Variants in DYNC2I1 observed in about 807,000 individuals in gnomAD.
The protein encoded by DYNC2I1 is cytoplasmic dynein 2 intermediate chain 1.
In DYNC2I1, 89 loss-of-function variants were observed where a neutral mutation model predicts 133.4. The observed-to-expected ratio is 0.67, with a 90% confidence interval of 0.56 to 0.80. The LOEUF (loss-of-function observed/expected upper bound fraction) is 0.80, where lower values mean the gene tolerates loss of function less well. Among genes scored for constraint, DYNC2I1 ranks in the 30% least tolerant of loss-of-function variants. The pLI is 0.00. For missense variants in DYNC2I1, 1,291 were observed against 1,314.5 expected (o/e 0.98, Z 0.28); for synonymous variants, 504 against 484.3 (o/e 1.04, Z -0.54).
At chr7:158,952,363 C>T (rs563519996) in intron 4 of DYNC2I1, among the ~76,000 whole-genome samples, 14 of 152,234 alleles carry the variant, frequency 9.2e-5, no homozygotes, top group East Asian at 5.8e-4. Flanking sequence ...GTGGACATCC[C>T]GCCTACCTGA....
intron 4 of DYNC2I1, among the ~76,000 whole-genome samples, chr7:158,954,150 G>A (rs552715166): frequency 3.9e-5 from 6 of 152,260 alleles, no homozygotes; most frequent in South Asian, 4.1e-4. Flanking sequence ...CTTGGAAGAC[G>A]TGCCTTTGCT....
chr7:158,885,402 C>T (rs1043871623), intron 6 of DYNC2I1, among the ~76,000 whole-genome samples: 20 of 150,308 alleles, frequency 1.3e-4, no homozygotes, highest in Non-Finnish European at 1.2e-4. Flanking sequence ...AGTGCAGTGG[C>T]GCAATCTCGG....
intron 1 of DYNC2I1, 42 bp downstream of exon 1, chr7:158,856,792 C>T (rs1047858748): frequency 1.6e-6 from 2 of 1,232,528 alleles, no homozygotes; most frequent in Non-Finnish European, 2.0e-6. Flanking sequence ...GGTCGAGCTT[C>T]GCGGACTCCT....
At chr7:158,875,952 A>G (rs978447347) in intron 3 of DYNC2I1, among the ~76,000 whole-genome samples, 2 of 152,212 alleles carry the variant, frequency 1.3e-5, no homozygotes, top group Non-Finnish European at 2.9e-5. Flanking sequence ...TTACTCAGAC[A>G]TTTGCCTGGT....
At chr7:158,895,287 C>T (rs944569565) in intron 8 of DYNC2I1, among the ~76,000 whole-genome samples, 1 of 152,164 alleles carries the variant, frequency 6.6e-6, no homozygotes, top group Non-Finnish European at 1.5e-5. Context: ...GCATTTTACA[C>T]TTAGGTCTGT....
At chr7:158,925,643 G>A (rs1261495512) in intron 17 of DYNC2I1, among the ~76,000 whole-genome samples, 7 of 152,070 alleles carry the variant, frequency 4.6e-5, no homozygotes, top group Non-Finnish European at 7.3e-5. Flanking sequence ...CTTTTCAGTG[G>A]GCATTGTGCC....
At chr7:158,857,111 C>T (rs973054059) in intron 1 of DYNC2I1, among the ~76,000 whole-genome samples, 1 of 152,208 alleles carries the variant, frequency 6.6e-6, no homozygotes, top group African/African-American at 2.4e-5. Flanking sequence ...TAAATTTTAG[C>T]TGACTTAAGT....
At chr7:158,901,450 G>C (rs749340543) in intron 8 of DYNC2I1, among the ~76,000 whole-genome samples, 7 of 152,156 alleles carry the variant, frequency 4.6e-5, no homozygotes, top group Non-Finnish European at 5.9e-5. Flanking sequence ...GAAATGGATT[G>C]CTGCACATTT....
At chr7:158,930,298 C>T (rs1850091162) in intron 20 of DYNC2I1, among the ~76,000 whole-genome samples, 157 bp from the exon 21 acceptor site, 1 of 152,178 alleles carries the variant, frequency 6.6e-6, no homozygotes, top group African/African-American at 2.4e-5. Context: ...GTGAACCTCA[C>T]CCAGAGGAAG....
At chr7:158,853,084 G>T (rs1470762310), upstream of DYNC2I1, among the ~76,000 whole-genome samples, 2 of 152,160 alleles carry the variant, frequency 1.3e-5, no homozygotes, top group African/African-American at 2.4e-5. Context: ...AGGGTGTCCC[G>T]CTGAGAGACA....
intron 1 of DYNC2I1, among the ~76,000 whole-genome samples, chr7:158,866,081 C>G (rs767526459): frequency 7.0e-6 from 1 of 143,270 alleles, no homozygotes; most frequent in Admixed American, 7.0e-5. Context: ...GGGTTTTTAA[C>G]TTTGTCAGTA....
chr7:158,882,184 T>G (rs904083278), intron 5 of DYNC2I1, among the ~76,000 whole-genome samples: 4 of 152,188 alleles, frequency 2.6e-5, no homozygotes, highest in Non-Finnish European at 4.4e-5. Context: ...CTGGGCACTG[T>G]TCTAGGTGCT....
downstream of DYNC2I1, among the ~76,000 whole-genome samples, chr7:158,948,568 C>T (rs749260141): frequency 4.1e-5 from 5 of 123,234 alleles, no homozygotes; most frequent in East Asian, 2.7e-4. Context: ...GCTTCGGACA[C>T]GGGAGGTGCT....
intron 15 of DYNC2I1, among the ~76,000 whole-genome samples, chr7:158,921,663 T>A (rs1291222598): frequency 6.6e-6 from 1 of 152,068 alleles, no homozygotes; most frequent in Non-Finnish European, 1.5e-5. Flanking sequence ...ATGGTGTGGG[T>A]AGCAGGATGT....
chr7:158,886,371 C>G (rs887672688), intron 6 of DYNC2I1, among the ~76,000 whole-genome samples: 1 of 151,968 alleles, frequency 6.6e-6, no homozygotes, highest in Non-Finnish European at 1.5e-5. Flanking sequence ...TGACCTCAGG[C>G]AGTCTGCCCA....
Position 158,871,971 on chromosome 7 carries a change from C to T in DYNC2I1, c.490+409C>T, listed in dbSNP as rs185564685. ...TTAGAGGTTCCTGTTCTCTCTGTTGCGGGGTGTGTGTGTGTGTACTTTTTA... is the reference window on the plus strand; with the variant it reads ...TTAGAGGTTCCTGTTCTCTCTGTTGTGGGGTGTGTGTGTGTGTACTTTTTA... On this transcript the variant is annotated intron_variant, in intron 3 of 24. Transcript: ENST00000407559. Among the ~76,000 whole-genome samples the T allele has an allele frequency of 5.3e-4, 80 of 152,208 alleles. 1 individual carries two copies. In the East Asian group the frequency reaches 0.014, roughly 27 times the overall value.
At chr7:158,866,230 C>T (rs1193261714) in intron 1 of DYNC2I1, among the ~76,000 whole-genome samples, 1 of 152,098 alleles carries the variant, frequency 6.6e-6, no homozygotes, top group African/African-American at 2.4e-5. Context: ...GCGCCCACGT[C>T]TCCTGGTTGA....
chr7:158,885,726 C>T (rs1844532805), intron 6 of DYNC2I1, among the ~76,000 whole-genome samples: 1 of 152,134 alleles, frequency 6.6e-6, no homozygotes, highest in Admixed American at 6.5e-5. Context: ...ATTAGAAAAC[C>T]CAGGTTAAAT....
rs1401105443 is a variant in DYNC2I1, at chr7:158,917,711, CTCCACACTCCACCCTCTGCCT to C, written c.1792-1028_1792-1008del. ...CACCTCTCACTAAACACCCCCTGCC[CTCCACACTCCACCCTCTGCCT>C]CTCACTAAACACTCCTTTTCTTGCC... On this transcript the variant is annotated intron_variant, in intron 14 of 24. Transcript: ENST00000407559. 1.1e-4 allele frequency among the ~76,000 whole-genome samples: 17 copies of C among 151,714 alleles called. 2 individuals are homozygous for C. Among genetic ancestry groups the C allele is most frequent in the South Asian group, 2.1e-4 (1 of 4,814 alleles).
Sources: gnomAD v4.1 joint callset for allele counts (sites outside exome capture counted in the v4.1 genomes callset) on GRCh38, gnomAD v4.1.1 for gene constraint, MANE v1.5 for transcripts, NCBI Gene and HGNC (gene_info 2026-07-23, HGNC 2026-07-21) for gene names.